The following HMGB1 variants were observed in gnomAD, a reference collection of about 807,000 sequenced individuals.
HMGB1 encodes the protein high mobility group box 1, also known as high mobility group protein B1.
For synonymous variants in HMGB1, 81 were observed against 84.0 expected (o/e 0.96, Z 0.19); for missense variants, 79 against 253.5 (o/e 0.31, Z 4.67).
rs1286897725 is a variant in HMGB1 at position 30,460,190 on chromosome 13, TTCCTATC to T, written c.*1160_*1166del. The T allele has an allele frequency of 7.2e-6, 1 of 139,184 alleles. No homozygotes were observed. The highest frequency in any genetic ancestry group is 3.5e-5 in the African/African-American group (1 of 28,910). 8.6% of individuals were successfully genotyped at this position (139,184 alleles called of 1,614,324 possible). ...TGAGATGCAAAGTTTGTCTTCTTTC[TTCCTATC>T]TACTTGGATTTATAAAGGGGCAAAC... On this transcript the variant is annotated 3_prime_UTR_variant, in exon 5 of 5. Coordinates refer to ENST00000341423, the MANE Select transcript of HMGB1 (RefSeq NM_002128.7).
chr13:30,571,456 G>C (rs1170080129), intron 1 of HMGB1, among the ~76,000 whole-genome samples: 1 of 151,998 alleles, frequency 6.6e-6, no homozygotes, highest in Admixed American at 6.5e-5. Context: ...CACCATGCCC[G>C]GCTAATTTTT....
chr13:30,594,720 T>C (rs1871526904), intron 1 of HMGB1, among the ~76,000 whole-genome samples: 1 of 152,224 alleles, frequency 6.6e-6, no homozygotes, highest in Non-Finnish European at 1.5e-5. Flanking sequence ...GGCAGAATGA[T>C]TTATTTTCCT....
At chr13:30,465,132 G>A (rs1208780066) in intron 1 of HMGB1, 2 of 968,264 alleles carry the variant, frequency 2.1e-6, no homozygotes, top group Admixed American at 1.3e-4. Flanking sequence ...CCAGCCAGCA[G>A]CGCCGGGCCC....
chr13:30,457,925 G>A lies in HMGB1; in HGVS notation c.*3432C>T, dbSNP rs929875380. On this transcript the variant is annotated 3_prime_UTR_variant, in exon 5 of 5. Coordinates refer to ENST00000341423, the MANE Select transcript of HMGB1 (RefSeq NM_002128.7). Reference sequence around the variant, plus strand: ...TGGATAGACAATCAAATCACTTTCTGGCTTTTATCTACTTTTAAAATACAT... The same window carrying A: ...TGGATAGACAATCAAATCACTTTCTAGCTTTTATCTACTTTTAAAATACAT... 2.0e-5 allele frequency: 3 copies of A among 151,950 alleles called. No individual in the cohort carries two copies. Among genetic ancestry groups the A allele is most frequent in the African/African-American group, 7.3e-5 (3 of 41,358 alleles). The allele number at this position is 151,950 out of a possible 1,614,324, so 9.4% of individuals were successfully genotyped here. A position where few individuals can be genotyped will look rare whatever the true frequency, so the allele number is the denominator to read the frequency against.
chr13:30,564,165 G>T (rs1466393972), intron 1 of HMGB1, among the ~76,000 whole-genome samples: 1 of 151,564 alleles, frequency 6.6e-6, no homozygotes, highest in Non-Finnish European at 1.5e-5. Context: ...ACGTGCAGTG[G>T]CTCATGCCTG....
At chr13:30,509,516 A>G (rs567427924) in intron 1 of HMGB1, among the ~76,000 whole-genome samples, 6 of 152,016 alleles carry the variant, frequency 3.9e-5, no homozygotes, top group Non-Finnish European at 7.4e-5. Context: ...GGGATTACAG[A>G]TGTGAGCCAC....
At chr13:30,500,162 C>G (rs1012233630) in intron 1 of HMGB1, among the ~76,000 whole-genome samples, 1 of 152,128 alleles carries the variant, frequency 6.6e-6, no homozygotes, top group Non-Finnish European at 1.5e-5. Context: ...TTTTGCATGT[C>G]CTGCTTGTCC....
intron 1 of HMGB1, among the ~76,000 whole-genome samples, chr13:30,479,389 G>A (rs907354737): frequency 6.6e-6 from 1 of 152,040 alleles, no homozygotes; most frequent in African/African-American, 2.4e-5. Context: ...CACCAGTTTT[G>A]CAAGCTCTCC....
At chr13:30,471,126 G>A (rs956969302) in intron 1 of HMGB1, among the ~76,000 whole-genome samples, 16 of 151,598 alleles carry the variant, frequency 1.1e-4, no homozygotes, top group Non-Finnish European at 1.9e-4. Flanking sequence ...CTACAGGCAC[G>A]CGCCATGGCT....
chr13:30,513,793 C>A (rs1021307349), intron 1 of HMGB1, among the ~76,000 whole-genome samples: 1 of 152,186 alleles, frequency 6.6e-6, no homozygotes, highest in Admixed American at 6.5e-5. Context: ...CAATCACCTC[C>A]CAAAGGCCCC....
chr13:30,474,523 AAG>A (rs1887020928), intron 1 of HMGB1, among the ~76,000 whole-genome samples: 1 of 152,172 alleles, frequency 6.6e-6, no homozygotes, highest in African/African-American at 2.4e-5. Flanking sequence ...CCCAGCCATG[AAG>A]GGTTAGGACT....
chr13:30,601,039 T>TGA (rs1232182313), intron 1 of HMGB1, among the ~76,000 whole-genome samples: 5 of 152,224 alleles, frequency 3.3e-5, no homozygotes, highest in Non-Finnish European at 7.3e-5. Context: ...TCTACCACTG[T>TGA]GATTTGTTTC....
At chr13:30,532,859 T>C (rs966312474) in intron 1 of HMGB1, among the ~76,000 whole-genome samples, 1 of 152,184 alleles carries the variant, frequency 6.6e-6, no homozygotes, top group Admixed American at 6.5e-5. Flanking sequence ...CAACCATCCA[T>C]GCATGTGAAT....
intron 1 of HMGB1, among the ~76,000 whole-genome samples, chr13:30,535,061 G>A (rs564885252): frequency 3.3e-5 from 5 of 152,252 alleles, no homozygotes; most frequent in Admixed American, 6.5e-5. Context: ...TTCACAAGTC[G>A]GTATTAGATT....
chr13:30,608,019 T>C (rs574555532), intron 1 of HMGB1, among the ~76,000 whole-genome samples: 18 of 152,190 alleles, frequency 1.2e-4, no homozygotes, highest in Non-Finnish European at 2.5e-4. Flanking sequence ...GTGTAACCCA[T>C]AGAATACAGC....
intron 1 of HMGB1, among the ~76,000 whole-genome samples, chr13:30,591,177 T>C (rs1871352726): frequency 6.6e-6 from 1 of 151,676 alleles, no homozygotes; most frequent in African/African-American, 2.4e-5. Flanking sequence ...ATTACAGGTG[T>C]GCACCATCAC....
At chr13:30,538,787 T>TTTTCTTTCTTCC (rs10623508) in intron 1 of HMGB1, among the ~76,000 whole-genome samples, 119,935 of 135,576 alleles carry the variant, frequency 0.88, 53,301 homozygotes, top group Middle Eastern at 0.92. Context: ...CCTTCTTTCT[T>TTTTCTTTCTTCC]TTTCTTTCTT....
intron 1 of HMGB1, among the ~76,000 whole-genome samples, chr13:30,592,845 A>T (rs1345462518): frequency 6.6e-6 from 1 of 151,858 alleles, no homozygotes; most frequent in Non-Finnish European, 1.5e-5. Flanking sequence ...GAAAAAACAG[A>T]TAATTTAAAA....
At chr13:30,522,856 C>T (rs1318062813) in intron 1 of HMGB1, among the ~76,000 whole-genome samples, 1 of 152,068 alleles carries the variant, frequency 6.6e-6, no homozygotes, top group Admixed American at 6.6e-5. Context: ...GCTGGGACTA[C>T]AAGCATGCAC....
Sources: gnomAD v4.1 joint callset for allele counts (sites outside exome capture counted in the v4.1 genomes callset) on GRCh38, gnomAD v4.1.1 for gene constraint, MANE v1.5 for transcripts, NCBI Gene and HGNC (gene_info 2026-07-23, HGNC 2026-07-21) for gene names.